Variants in CACNA1E observed in about 807,000 individuals in gnomAD.
The protein encoded by CACNA1E is voltage-dependent R-type calcium channel subunit alpha-1E.
Under a neutral mutation model 259.2 loss-of-function variants are expected in CACNA1E, and 40 were observed. The observed-to-expected ratio is 0.15, with a 90% CI of 0.12 to 0.20. The LOEUF is 0.20. Ranked by LOEUF, CACNA1E falls within the 10% of genes least tolerant of loss-of-function variation. The pLI is 1.00. For synonymous variants in CACNA1E, 1,104 were observed against 1,138.5 expected, an observed-to-expected ratio of 0.97 and a Z score of 0.61; for missense variants, 1,874 against 3,040.1, an observed-to-expected ratio of 0.62 and a Z score of 9.02.
At chr1:181,719,072 A>C (rs996212373) in intron 12 of CACNA1E, among the ~76,000 whole-genome samples, 11 of 152,262 alleles carry the variant, frequency 7.2e-5, no homozygotes, top group African/African-American at 2.7e-4. Context: ...ATTTTCAGGC[A>C]TAACAGCTAG....
chr1:181,684,947 G>T (rs554493877), intron 7 of CACNA1E, among the ~76,000 whole-genome samples: 49 of 150,028 alleles, frequency 3.3e-4, no homozygotes, highest in Non-Finnish European at 6.2e-4. Context: ...TTTGTGATTG[G>T]ACAGCCTTTG....
At chr1:181,653,860 T>TG (rs1048132304) in intron 7 of CACNA1E, among the ~76,000 whole-genome samples, 5 of 152,192 alleles carry the variant, frequency 3.3e-5, no homozygotes, top group Non-Finnish European at 5.9e-5. Context: ...ACAAATCTTT[T>TG]GGGGGGCTCC....
chr1:181,580,908 G>C, intron 6 of CACNA1E, 132 bp downstream of exon 6: 137 of 712,754 alleles, frequency 1.9e-4, no homozygotes, highest in Middle Eastern at 3.7e-4. Context: ...GGGAGGTGAA[G>C]ACTCAACTGG....
rs2102549129 is a variant in CACNA1E at position 181,732,457 on chromosome 1, A to G, written c.2371A>G (p.Met791Val). 1.3e-6 allele frequency: 2 copies of G among 1,550,880 alleles called. No homozygotes were observed. Among genetic ancestry groups the G allele is most frequent in the Non-Finnish European group, 1.7e-6 (2 of 1,146,624 alleles). ...CAGCCAGCTGAGGAAGCACATGCAG[A>G]TGTCCAGCCAGGAGGCCCTCAACAG... ...RTSQLRKHMQ[M>V]SSQEALNREE... is the part of the protein sequence containing the mutation. The change falls in exon 20 of 48, where the codon ATG (methionine) becomes GTG (valine). Residue 791 changes from methionine (M) to valine (V), a missense_variant. Met to Val is a conservative substitution (Grantham distance 21). Transcript: ENST00000367573. The surrounding 1 kb of genome is among the most constrained non-coding windows in gnomAD (Gnocchi z 5.5).
intron 3 of CACNA1E, among the ~76,000 whole-genome samples, chr1:181,554,072 G>A (rs1368388582): frequency 6.6e-6 from 1 of 152,128 alleles, no homozygotes; most frequent in Admixed American, 6.5e-5. Context: ...GTGCAGTGGT[G>A]AGATCACAGC....
At chr1:181,481,315 T>G (rs1038566449), upstream of CACNA1E, among the ~76,000 whole-genome samples, 2 of 151,226 alleles carry the variant, frequency 1.3e-5, no homozygotes, top group African/African-American at 4.9e-5. Context: ...TTCCTTTGGA[T>G]TTCCAGTAGA....
intron 2 of CACNA1E, among the ~76,000 whole-genome samples, chr1:181,452,620 C>G (rs1661229857): frequency 1.3e-5 from 2 of 152,166 alleles, no homozygotes; most frequent in Non-Finnish European, 2.9e-5. Flanking sequence ...TGGAAGGTTT[C>G]CCCCAAGGAA....
intron 6 of CACNA1E, among the ~76,000 whole-genome samples, chr1:181,621,670 C>A (rs1655729154): frequency 6.6e-6 from 1 of 152,168 alleles, no homozygotes; most frequent in African/African-American, 2.4e-5. Flanking sequence ...TAACTGCCAA[C>A]TAGTTAGCAT....
At chr1:181,661,003 G>C (rs1427125811) in intron 7 of CACNA1E, among the ~76,000 whole-genome samples, 1 of 152,182 alleles carries the variant, frequency 6.6e-6, no homozygotes, top group Middle Eastern at 3.2e-3. Flanking sequence ...TAGCAACAGG[G>C]GAGCATTTAA....
intron 1 of CACNA1E, among the ~76,000 whole-genome samples, chr1:181,339,942 G>C (rs542068413): frequency 4.6e-5 from 7 of 151,896 alleles, no homozygotes; most frequent in African/African-American, 1.7e-4. Context: ...AGGTGTTTAT[G>C]TTTTTATGAC....
intron 34 of CACNA1E, among the ~76,000 whole-genome samples, chr1:181,763,819 A>G (rs1377931822): frequency 6.6e-6 from 1 of 152,212 alleles, no homozygotes; most frequent in Admixed American, 6.5e-5. Flanking sequence ...ATTTTATAAG[A>G]TGTGCTTCAT....
intron 6 of CACNA1E, among the ~76,000 whole-genome samples, chr1:181,596,480 G>A (rs1653173513): frequency 6.6e-6 from 1 of 151,450 alleles, no homozygotes; most frequent in Non-Finnish European, 1.5e-5. Flanking sequence ...CGTCGTTGGG[G>A]CATTTTATCG....
chr1:181,398,682 A>G (rs190590158), intron 1 of CACNA1E, among the ~76,000 whole-genome samples: 2 of 152,344 alleles, frequency 1.3e-5, no homozygotes, highest in East Asian at 3.9e-4. Context: ...ATGAAGCACC[A>G]GCATTGCTCT....
intron 2 of CACNA1E, among the ~76,000 whole-genome samples, chr1:181,457,880 G>A (rs966050880): frequency 1.7e-4 from 26 of 152,294 alleles, no homozygotes; most frequent in African/African-American, 5.8e-4. Context: ...GGACAGGATC[G>A]TCCCTCTCCA....
At chr1:181,797,303 A>T (rs192554438) in intron 47 of CACNA1E, among the ~76,000 whole-genome samples, 5 of 152,326 alleles carry the variant, frequency 3.3e-5, no homozygotes, top group East Asian at 3.9e-4. Context: ...CAGCAAGATC[A>T]TGCCTTTTGC....
chr1:181,399,229 T>TA (rs1656911336), intron 1 of CACNA1E, among the ~76,000 whole-genome samples: 1 of 150,800 alleles, frequency 6.6e-6, no homozygotes, highest in African/African-American at 2.4e-5. Flanking sequence ...TTTTTTTTTT[T>TA]AAAGGAAAAG....
chr1:181,797,528 C>T (rs149222030), intron 47 of CACNA1E, among the ~76,000 whole-genome samples: 2 of 152,264 alleles, frequency 1.3e-5, no homozygotes, highest in East Asian at 3.9e-4. Flanking sequence ...CCTTCTAGAA[C>T]AACAGTTTTC....
intron 6 of CACNA1E, among the ~76,000 whole-genome samples, chr1:181,603,407 A>G (rs1653922148): frequency 1.3e-5 from 2 of 152,162 alleles, no homozygotes; most frequent in Non-Finnish European, 2.9e-5. Context: ...TTAGGATGAT[A>G]CACTGATGTT....
intron 6 of CACNA1E, among the ~76,000 whole-genome samples, chr1:181,626,369 A>T (rs913735787): frequency 3.9e-5 from 6 of 152,190 alleles, no homozygotes; most frequent in Non-Finnish European, 8.8e-5. Flanking sequence ...TGTAGAACTA[A>T]TCTCGTGTCT....
Sources: allele counts gnomAD v4.1 joint callset (sites outside exome capture counted in the v4.1 genomes callset), GRCh38; gene constraint gnomAD v4.1.1; non-coding constraint Gnocchi (gnomAD v3.1); transcripts MANE v1.5; gene names NCBI Gene and HGNC (gene_info 2026-07-23, HGNC 2026-07-21).